The following SLIT3 variants were observed in gnomAD, a reference collection of about 807,000 sequenced individuals.
SLIT3 encodes the protein slit homolog 3 protein.
A neutral mutation model predicts 184.0 loss-of-function variants in SLIT3; 68 were observed. That is an observed-to-expected ratio of 0.37 (90% CI 0.30 to 0.45). SLIT3 has a LOEUF of 0.45. Among genes scored for constraint, SLIT3 ranks in the 20% least tolerant of loss-of-function variants. The pLI is 1.00. For missense variants in SLIT3, 1,707 were observed against 2,026.0 expected, an observed-to-expected ratio of 0.84 and a Z score of 3.02; for synonymous variants, 831 against 828.6, an observed-to-expected ratio of 1.00 and a Z score of -0.05.
chr5:168,711,913 G>T lies in SLIT3; in HGVS notation c.2555+370C>A, dbSNP rs560110809. ...TTGGAGTCAAGGCAAACCTAGATCT[G>T]ATCCTGGGCCCTGCCATCTGCTAGC... On this transcript the variant is annotated intron_variant, in intron 24 of 35. Transcript: ENST00000519560. Among the ~76,000 whole-genome samples the T allele has an allele frequency of 5.9e-5, 9 of 152,310 alleles. No homozygotes were observed. The South Asian group carries it at 1.7e-3, about 28-fold the overall frequency.
rs1436337338 is a variant in SLIT3, at chr5:169,300,045, C to T, written c.197+468G>A. On this transcript the variant is annotated intron_variant, in intron 1 of 35. Coordinates refer to ENST00000519560, the MANE Select transcript of SLIT3 (RefSeq NM_003062.4). This position sits in a 1 kb window ranked among gnomAD's most constrained non-coding sequence, Gnocchi z 4.1. ...TTTCCTTGCAAGGGCAGCCAGAGAGCGGCTGGCCCATTCTGATCTCCAAGC... is the reference window on the plus strand; with the variant it reads ...TTTCCTTGCAAGGGCAGCCAGAGAGTGGCTGGCCCATTCTGATCTCCAAGC... Among the ~76,000 whole-genome samples, 1 of 152,250 alleles carries T rather than the reference C, an allele frequency of 6.6e-6. No homozygotes were observed. Among genetic ancestry groups the T allele is most frequent in the Non-Finnish European group, 1.5e-5 (1 of 68,038 alleles).
intron 4 of SLIT3, among the ~76,000 whole-genome samples, chr5:168,889,447 C>A (rs1760352867): frequency 6.6e-6 from 1 of 151,944 alleles, no homozygotes; most frequent in Non-Finnish European, 1.5e-5. Flanking sequence ...CAATGGGGGA[C>A]AAAAAAACGC....
chr5:168,888,303 T>C (rs953328424), intron 4 of SLIT3, among the ~76,000 whole-genome samples: 5 of 152,146 alleles, frequency 3.3e-5, no homozygotes, highest in Admixed American at 6.5e-5. Flanking sequence ...TCAAGAGAAA[T>C]GTAAACTCCC....
chr5:169,226,194 G>A (rs1764801989), intron 3 of SLIT3, among the ~76,000 whole-genome samples: 2 of 152,096 alleles, frequency 1.3e-5, no homozygotes, highest in South Asian at 4.1e-4. Context: ...CAGGCACTCT[G>A]GAGACACAGA....
intron 4 of SLIT3, among the ~76,000 whole-genome samples, chr5:168,956,506 A>T (rs62377205): frequency 9.2e-5 from 14 of 152,226 alleles, no homozygotes; most frequent in Non-Finnish European, 1.9e-4. Context: ...ATAAAGAATC[A>T]CAGAGGGGGC....
chr5:168,829,567 AG>A (rs1346630732), intron 6 of SLIT3, among the ~76,000 whole-genome samples: 1 of 152,260 alleles, frequency 6.6e-6, no homozygotes, highest in African/African-American at 2.4e-5. Flanking sequence ...ACTCTTGGTA[AG>A]TCATCAGCCA....
At chr5:169,124,786 A>T (rs182757111) in intron 4 of SLIT3, among the ~76,000 whole-genome samples, 1 of 152,062 alleles carries the variant, frequency 6.6e-6, no homozygotes, top group Non-Finnish European at 1.5e-5. Flanking sequence ...TAAAATGAAT[A>T]CATATGGAGA....
rs5873146 is a variant in SLIT3 at position 169,068,842 on chromosome 5, CA to C, written c.413+124636del. Among the ~76,000 whole-genome samples the C allele has an allele frequency of 1.3e-3, 197 of 149,710 alleles. 2 individuals are homozygous for C. Among genetic ancestry groups the C allele is most frequent in the Admixed American group, 7.4e-3 (111 of 15,050 alleles). ...TTAAATATCCACATTTTAAAAGCCT[CA>C]AAAAAAAAATGCAGAATCCTTTTAT... On this transcript the variant is annotated intron_variant, in intron 4 of 35. Transcript: ENST00000519560.
chr5:168,870,168 A>C (rs1759460920), intron 5 of SLIT3, among the ~76,000 whole-genome samples: 5 of 152,232 alleles, frequency 3.3e-5, no homozygotes, highest in African/African-American at 7.2e-5. Context: ...TGCACAAGCA[A>C]CTTATTTATT....
chr5:169,250,162 C>A (rs1404580658), intron 2 of SLIT3, among the ~76,000 whole-genome samples: 1 of 152,208 alleles, frequency 6.6e-6, no homozygotes, highest in Non-Finnish European at 1.5e-5. Context: ...CCTATCCGCA[C>A]CTCTGGTTTC....
chr5:168,843,277 G>A (rs1221643253), intron 6 of SLIT3, among the ~76,000 whole-genome samples: 1 of 152,070 alleles, frequency 6.6e-6, no homozygotes, highest in Non-Finnish European at 1.5e-5. Context: ...TAGTATCTGC[G>A]GGGCCAGGTG....
chr5:169,195,953 G>A (rs1053488627), intron 3 of SLIT3, among the ~76,000 whole-genome samples: 8 of 152,144 alleles, frequency 5.3e-5, no homozygotes, highest in Admixed American at 2.6e-4. Flanking sequence ...GTTCAGTAGC[G>A]TTGAGTATAT....
intron 30 of SLIT3, 111 bp downstream of exon 30, chr5:168,686,868 G>A: frequency 7.5e-7 from 1 of 1,324,636 alleles, no homozygotes; most frequent in Admixed American, 1.8e-5. Context: ...CCAGAACCGG[G>A]GCTACAGCCA....
intron 4 of SLIT3, among the ~76,000 whole-genome samples, chr5:168,945,901 T>A (rs1762462086): frequency 1.3e-5 from 2 of 152,240 alleles, no homozygotes; most frequent in Admixed American, 1.3e-4. Flanking sequence ...TTGTGCTTAA[T>A]GTCATGATTG....
chr5:168,878,508 C>A (rs1445713534), intron 5 of SLIT3, among the ~76,000 whole-genome samples: 1 of 152,126 alleles, frequency 6.6e-6, no homozygotes, highest in Non-Finnish European at 1.5e-5. Flanking sequence ...CTTTATTGTT[C>A]CTGTTTGCAG....
chr5:168,686,710 C>T (rs966381207), intron 30 of SLIT3, among the ~76,000 whole-genome samples: 1 of 152,228 alleles, frequency 6.6e-6, no homozygotes, highest in Non-Finnish European at 1.5e-5. Context: ...CATGACATTA[C>T]ACAAGCTGAA....
At chr5:169,032,181 G>T (rs1370677973) in intron 4 of SLIT3, among the ~76,000 whole-genome samples, 1 of 152,112 alleles carries the variant, frequency 6.6e-6, no homozygotes, top group Non-Finnish European at 1.5e-5. Flanking sequence ...AAATGGGAAG[G>T]TACTATGAAA....
chr5:169,240,180 AT>A (rs1765346307), intron 3 of SLIT3, among the ~76,000 whole-genome samples: 1 of 152,036 alleles, frequency 6.6e-6, no homozygotes, highest in Non-Finnish European at 1.5e-5. Context: ...TCAGTATATA[AT>A]AAAACTTTCA....
intron 4 of SLIT3, among the ~76,000 whole-genome samples, chr5:168,951,176 C>T (rs1458099226): frequency 6.6e-6 from 1 of 152,158 alleles, no homozygotes; most frequent in Non-Finnish European, 1.5e-5. Context: ...GCCAAGATTG[C>T]ACCACTGCAC....
Sources: gnomAD v4.1 joint callset for allele counts (sites outside exome capture counted in the v4.1 genomes callset) on GRCh38, gnomAD v4.1.1 for gene constraint, Gnocchi (gnomAD v3.1) non-coding constraint, MANE v1.5 for transcripts, NCBI Gene and HGNC (gene_info 2026-07-23, HGNC 2026-07-21) for gene names.